PRR35: variants seen among roughly 807,000 people sequenced by gnomAD.
PRR35 encodes the protein proline-rich protein 35.
A neutral mutation model predicts 18.6 loss-of-function variants in PRR35; 14 were observed. The observed-to-expected ratio is 0.75, with a 90% CI of 0.50 to 1.18. PRR35 has a LOEUF of 1.18. Among genes scored for constraint, PRR35 ranks in the 50% most tolerant of loss-of-function variants. PRR35 has a pLI of 0.00. For missense variants in PRR35, 832 were observed against 792.2 expected (o/e 1.05, Z -0.60); for synonymous variants, 425 against 378.2 (o/e 1.12, Z -1.43).
chr16:560,934 CGGG>C lies in PRR35; in HGVS notation c.-40+282_-40+284del, dbSNP rs59225364. ...GCCTGTGTGGGGCGCCCTGCGTTCC[CGGG>C]GGGGGGGGCAGCAGGATCTGCGGGT... On this transcript the variant is annotated intron_variant, in intron 1 of 2. Coordinates refer to ENST00000409413, the MANE Select transcript of PRR35 (RefSeq NM_145270.3). 3.8e-5 allele frequency among the ~76,000 whole-genome samples: 5 copies of C among 130,996 alleles called. No individual in the cohort carries two copies. In the East Asian group the frequency reaches 1.3e-3, roughly 33 times the overall value. 85.9% of individuals were successfully genotyped at this position (130,996 alleles called of 152,430 possible). A position where few individuals can be genotyped will look rare whatever the true frequency, so the allele number is the denominator to read the frequency against.
At position 563,936 on chromosome 16, in the gene PRR35, G is replaced by T. The variant is rs559972963; in HGVS notation, c.642G>T (p.Pro214=). The change falls in exon 2 of 3, where the codon CCG becomes CCT. Residue 214 remains proline, a synonymous_variant. Transcript: ENST00000409413. ...LHLSLLGVNY[P]LSPGLFSYLG... ...TGTCTCTGCTGGGCGTCAACTACCC[G>T]CTCAGCCCCGGCCTCTTCTCCTACT... The T allele has an allele frequency of 1.3e-5, 20 of 1,594,456 alleles. No homozygotes were observed. Among genetic ancestry groups the T allele is most frequent in the Non-Finnish European group, 1.6e-5 (19 of 1,171,904 alleles).
chr16:560,687 C>A, intron 1 of PRR35, 26 bp downstream of exon 1: 1 of 982,566 alleles, frequency 1.0e-6, no homozygotes, highest in South Asian at 4.6e-5. Flanking sequence ...GCCGCGGGGG[C>A]GGCCAGTTGG....
upstream of PRR35, among the ~76,000 whole-genome samples, chr16:560,017 G>A (rs1555449657): frequency 1.3e-5 from 2 of 152,100 alleles, no homozygotes; most frequent in African/African-American, 4.8e-5. Context: ...CGCGCCCCGC[G>A]CCGCTGACAC....
Position 565,180 on chromosome 16 carries a change from T to C in PRR35, c.1589T>C (p.Leu530Pro). Reference sequence around the variant, plus strand: ...GACTCCAGCGTCCCACCCCCAGGGCTCCCCCTCGCAGCCCCAGATGACCCT... The same window carrying C: ...GACTCCAGCGTCCCACCCCCAGGGCCCCCCCTCGCAGCCCCAGATGACCCT... ...EADSSVPPPG[L>P]PLAAPDDPVI... Residue 530 changes from leucine (L) to proline (P), a missense_variant, in exon 3 of 3, where the codon CTC becomes CCC. Leu to Pro is a moderately conservative substitution (Grantham distance 98, BLOSUM62 -3). Coordinates refer to ENST00000409413, the MANE Select transcript of PRR35 (RefSeq NM_145270.3). 1 of 1,610,020 alleles carries C rather than the reference T, an allele frequency of 6.2e-7. No individual in the cohort carries two copies. The highest frequency in any genetic ancestry group is 8.5e-7 in the Non-Finnish European group (1 of 1,178,794).
chr16:562,432 A>G (rs1021196473), intron 1 of PRR35, among the ~76,000 whole-genome samples: 13 of 152,076 alleles, frequency 8.5e-5, no homozygotes, highest in Non-Finnish European at 1.9e-4. Context: ...ATACACACGC[A>G]CTCACACATG....
chr16:562,522 C>G (rs564795137), intron 1 of PRR35, among the ~76,000 whole-genome samples: 1 of 122,318 alleles, frequency 8.2e-6, no homozygotes, highest in African/African-American at 3.9e-5. Context: ...CACACACAGG[C>G]GCACACACGT....
intron 1 of PRR35, among the ~76,000 whole-genome samples, chr16:562,914 C>T (rs529599661): frequency 3.6e-4 from 55 of 152,266 alleles, no homozygotes; most frequent in African/African-American, 1.3e-3. Flanking sequence ...TAGTTAAAAT[C>T]GAATTTCCGA....
At position 564,873 on chromosome 16, in the gene PRR35, G is replaced by C. The variant is rs752817739; in HGVS notation, c.1282G>C (p.Ala428Pro). The C allele has an allele frequency of 6.4e-7, 1 of 1,569,862 alleles. No homozygotes were observed. The highest frequency in any genetic ancestry group is 8.6e-7 in the Non-Finnish European group (1 of 1,162,622). Reference protein sequence around the residue: ...VEQRLGQLGPAGGLAPRPLRE... With the variant: ...VEQRLGQLGPPGGLAPRPLRE... ...GCAGCGCCTGGGACAGTTGGGGCCCGCGGGGGGCCTGGCCCCGAGACCCCT... is the reference window on the plus strand; with the variant it reads ...GCAGCGCCTGGGACAGTTGGGGCCCCCGGGGGGCCTGGCCCCGAGACCCCT... Residue 428 changes from alanine (A) to proline (P), a missense_variant, in exon 3 of 3, where the codon GCG becomes CCG. Coordinates refer to ENST00000409413, the MANE Select transcript of PRR35 (RefSeq NM_145270.3).
Position 565,337 on chromosome 16 carries a change from G to GCCTGCAGCATGCCGGCCCCTCT in PRR35, c.*39_*60dup. On this transcript the variant is annotated 3_prime_UTR_variant, in exon 3 of 3. Coordinates refer to ENST00000409413, the MANE Select transcript of PRR35 (RefSeq NM_145270.3). ...CAGCGCCTGAGGTCTGACTGTCTCT[G>GCCTGCAGCATGCCGGCCCCTCT]CCTGCAGCATGCCGGCCCCTCTCCT... 1 of 1,441,700 alleles carries GCCTGCAGCATGCCGGCCCCTCT rather than the reference G, an allele frequency of 6.9e-7. No individual in the cohort carries two copies. Among genetic ancestry groups the GCCTGCAGCATGCCGGCCCCTCT allele is most frequent in the Non-Finnish European group, 9.1e-7 (1 of 1,097,076 alleles). 89.3% of individuals were successfully genotyped at this position (1,441,700 alleles called of 1,614,324 possible).
Position 565,373 on chromosome 16 carries a change from C to A in PRR35, c.*66C>A. ...GCCGGCCCCTCTCCTGCAGCCCCTG[C>A]CCCTCACCTGCCTGGGACCTGCCCC... is the stretch of plus-strand genomic sequence containing the variant. On this transcript the variant is annotated 3_prime_UTR_variant, in exon 3 of 3. Coordinates refer to ENST00000409413, the MANE Select transcript of PRR35 (RefSeq NM_145270.3). 6 of 1,389,880 alleles carry A rather than the reference C, an allele frequency of 4.3e-6. No homozygotes were observed. The highest frequency in any genetic ancestry group is 3.8e-6 in the Non-Finnish European group (4 of 1,063,022). 86.1% of individuals were successfully genotyped at this position (1,389,880 alleles called of 1,614,324 possible). A position where few individuals can be genotyped will look rare whatever the true frequency, so the allele number is the denominator to read the frequency against.
chr16:564,790 G>T lies in PRR35; in HGVS notation c.1199G>T (p.Ser400Ile). ...PLQPRGPVPG[S>I]PEHVGEDLTR... ...CAGCCACGGGGCCCAGTGCCAGGAA[G>T]CCCGGAGCATGTGGGCGAGGACCTG... The change falls in exon 3 of 3, where the codon AGC (serine) becomes ATC (isoleucine). Residue 400 changes from serine (S) to isoleucine (I), a missense_variant. Ser to Ile is a moderately radical substitution (Grantham distance 142, BLOSUM62 -2). This residue lies in a region of PRR35 where 768 missense variants were observed against 704.1 expected (regional missense o/e 1.09). Coordinates refer to ENST00000409413, the MANE Select transcript of PRR35 (RefSeq NM_145270.3). The T allele has an allele frequency of 6.5e-7, 1 of 1,549,866 alleles. No homozygotes were observed. Among genetic ancestry groups the T allele is most frequent in the Non-Finnish European group, 8.7e-7 (1 of 1,153,338 alleles).
In PRR35 at chr16:563,344, G is replaced by A. The variant is rs116903998; in HGVS notation, c.50G>A (p.Arg17Gln). ...CGCGTGGGCACAGGGGCGAGGGCGC[G>A]GTCTCGGAAGCCCAAGAAGCCACAC... The part of the protein sequence containing the change: ...SCRVGTGARA[R>Q]SRKPKKPHYI... The change falls in exon 2 of 3, where the codon CGG becomes CAG. Residue 17 changes from arginine to glutamine, a missense_variant. By Grantham distance (43) the Arg-to-Gln change is conservative. Transcript: ENST00000409413. 19,840 of 1,611,990 alleles carry A rather than the reference G, an allele frequency of 0.012. 155 individuals carry two copies. Among genetic ancestry groups the A allele is most frequent in the Non-Finnish European group, 0.015 (17,279 of 1,179,628 alleles).
At chr16:564,590 G>A in intron 2 of PRR35, 84 bp from the exon 3 acceptor site, 1 of 1,433,638 alleles carries the variant, frequency 7.0e-7, no homozygotes, top group Admixed American at 2.5e-5. Context: ...TGGGGCCACA[G>A]GGCAGAGGCC....
Position 564,382 on chromosome 16 carries a change from C to A in PRR35, c.1082+6C>A. 6.3e-7 allele frequency: 1 copy of A among 1,589,752 alleles called. No homozygotes were observed. The highest frequency in any genetic ancestry group is 8.5e-7 in the Non-Finnish European group (1 of 1,175,914). On this transcript the variant is annotated splice_donor_region_variant and intron_variant, in intron 2 of 2. Coordinates refer to ENST00000409413, the MANE Select transcript of PRR35 (RefSeq NM_145270.3). ...AGGTTCTGTTCCCGGAGCAGGTGGG[C>A]GTCTTGGGCTCCCGGTTCCTGGGGT...
At position 564,058 on chromosome 16, in the gene PRR35, C is replaced by T. The variant is rs1381232014; in HGVS notation, c.764C>T (p.Pro255Leu). Residue 255 changes from proline to leucine, a missense_variant, in exon 2 of 3, where the codon CCT becomes CTT. Around this residue, in one of 3 missense-constraint regions of PRR35, gnomAD observed 768 missense variants for 704.1 expected, o/e 1.09. Transcript: ENST00000409413. ...PATAFPAVQP[P>L]QRPTPAPRLY... ...ACGGCCTTCCCAGCCGTGCAGCCCC[C>T]TCAGCGCCCCACCCCGGCCCCCCGC... The T allele has an allele frequency of 6.4e-7, 1 of 1,553,834 alleles. No individual in the cohort carries two copies. The highest frequency in any genetic ancestry group is 8.7e-7 in the Non-Finnish European group (1 of 1,154,438).
At position 564,293 on chromosome 16, in the gene PRR35, C is replaced by A. The variant is rs776067025; in HGVS notation, c.999C>A (p.Asp333Glu). Residue 333 changes from aspartate (D) to glutamate (E), a missense_variant, in exon 2 of 3, where the codon GAC becomes GAA. This residue lies in a region of PRR35 where 768 missense variants were observed against 704.1 expected (regional missense o/e 1.09). Coordinates refer to ENST00000409413, the MANE Select transcript of PRR35 (RefSeq NM_145270.3). ...EGELERAAQS[D>E]PRRRLSLGSR... ...AGCTGGAGCGGGCAGCCCAGAGTGA[C>A]CCCAGGAGGAGGCTGTCCCTGGGAA... is the stretch of plus-strand genomic sequence containing the variant. 22 of 1,578,138 alleles carry A rather than the reference C, an allele frequency of 1.4e-5. No individual in the cohort carries two copies. The African/African-American group carries it at 2.3e-4, about 16-fold the overall frequency.
At position 563,786 on chromosome 16, in the gene PRR35, G is replaced by A. The variant is rs777945129; in HGVS notation, c.492G>A (p.Pro164=). Residue 164 remains proline, a synonymous_variant, in exon 2 of 3, where the codon CCG becomes CCA. Transcript: ENST00000409413. ...PSGLLPESWK[P]GMGGDPRGVG... ...GGCTCCTGCCTGAGTCGTGGAAGCC[G>A]GGGATGGGAGGGGACCCAAGGGGCG... 45 of 1,497,126 alleles carry A rather than the reference G, an allele frequency of 3.0e-5. No homozygotes were observed. The East Asian group carries it at 7.5e-4, about 25-fold the overall frequency. 92.7% of individuals were successfully genotyped at this position (1,497,126 alleles called of 1,614,324 possible).
rs1439142942 is a variant in PRR35, at chr16:563,603, G to C, written c.309G>C (p.Gln103His). ...AGTCCGACCCCGGCAGGCAACCCCAGGGAGCACGGCCCACAGGTGCTGCCC... is the reference window on the plus strand; with the variant it reads ...AGTCCGACCCCGGCAGGCAACCCCACGGAGCACGGCCCACAGGTGCTGCCC... ...PGESDPGRQPQGARPTGAAPA... is the reference protein window; with the variant it reads ...PGESDPGRQPHGARPTGAAPA... The change falls in exon 2 of 3, where the codon CAG becomes CAC. Residue 103 changes from glutamine to histidine, a missense_variant. This residue lies in a region of PRR35 where 768 missense variants were observed against 704.1 expected (regional missense o/e 1.09). Coordinates refer to ENST00000409413, the MANE Select transcript of PRR35 (RefSeq NM_145270.3). 1.3e-6 allele frequency: 2 copies of C among 1,592,516 alleles called. No individual in the cohort carries two copies. Among genetic ancestry groups the C allele is most frequent in the African/African-American group, 1.3e-5 (1 of 74,652 alleles).
chr16:562,936 C>T (rs944310807), intron 1 of PRR35, among the ~76,000 whole-genome samples: 2 of 152,116 alleles, frequency 1.3e-5, no homozygotes, highest in East Asian at 1.9e-4. Context: ...AAACAATGAA[C>T]ACCTTTCTAG....
Sources: allele counts gnomAD v4.1 joint callset (sites outside exome capture counted in the v4.1 genomes callset), GRCh38; gene constraint gnomAD v4.1.1; regional missense constraint gnomAD v4.1.1; transcripts MANE v1.5; gene names NCBI Gene and HGNC (gene_info 2026-07-23, HGNC 2026-07-21).